The following BEND7 variants were observed in gnomAD, a reference collection of about 807,000 sequenced individuals.
BEND7 encodes the protein BEN domain containing 7, also known as BEN domain-containing protein 7.
In BEND7, 28 loss-of-function variants were observed where a neutral mutation model predicts 50.9. The observed-to-expected ratio is 0.55, with a 90% CI of 0.41 to 0.75. BEND7 has a LOEUF of 0.75. Ranked by LOEUF, BEND7 falls within the 30% of genes least tolerant of loss-of-function variation. The pLI, the probability that BEND7 is intolerant of heterozygous loss-of-function variation, is 0.00. For synonymous variants in BEND7, 170 were observed against 183.9 expected, an observed-to-expected ratio of 0.92 and a Z score of 0.61; for missense variants, 477 against 491.3, an observed-to-expected ratio of 0.97 and a Z score of 0.28.
chr10:13,489,110 C>CA (rs1449315645), intron 5 of BEND7, among the ~76,000 whole-genome samples: 1 of 152,166 alleles, frequency 6.6e-6, no homozygotes, highest in Non-Finnish European at 1.5e-5. Context: ...GGGATGACTT[C>CA]ATCTAATTCC....
intron 5 of BEND7, among the ~76,000 whole-genome samples, chr10:13,481,517 G>A (rs1182902171): frequency 1.3e-5 from 2 of 152,178 alleles, no homozygotes; most frequent in Admixed American, 6.5e-5. Context: ...ATTCAAATGT[G>A]CTCAGTGCAG....
intron 6 of BEND7, among the ~76,000 whole-genome samples, chr10:13,456,734 A>C (rs1217124561): frequency 6.6e-6 from 1 of 152,190 alleles, no homozygotes; most frequent in Admixed American, 6.5e-5. Context: ...CACCTACTAT[A>C]GTGCATTTTT....
At chr10:13,515,244 CT>C (rs2078581714) in intron 2 of BEND7, among the ~76,000 whole-genome samples, 2 of 152,294 alleles carry the variant, frequency 1.3e-5, no homozygotes, top group South Asian at 4.1e-4. Flanking sequence ...CAAACAAATG[CT>C]CGCAGAATAC....
intron 5 of BEND7, among the ~76,000 whole-genome samples, chr10:13,481,629 A>G (rs1588865694): frequency 1.3e-5 from 2 of 152,236 alleles, no homozygotes; most frequent in East Asian, 3.8e-4. Context: ...TCCTTCTACT[A>G]TGCCAGTGGC....
rs576097586 is a variant in BEND7, at chr10:13,520,474, C to T, written c.145+5664G>A. On this transcript the variant is annotated intron_variant, in intron 2 of 8. Coordinates refer to ENST00000466271, the MANE Select transcript of BEND7 (RefSeq NM_001369863.1). ...GGTCAGACCGTGCATACTAGACACT[C>T]AGTGAAGGGCTTTGCCTTGATTCTA... 7.2e-5 allele frequency among the ~76,000 whole-genome samples: 11 copies of T among 152,192 alleles called. No individual in the cohort carries two copies. The South Asian group carries it at 2.3e-3, about 32-fold the overall frequency.
Position 13,528,462 on chromosome 10 carries a change from C to G in BEND7, c.61+11G>C. The G allele has an allele frequency of 9.8e-7, 1 of 1,016,352 alleles. No homozygotes were observed. The highest frequency in any genetic ancestry group is 1.2e-6 in the Non-Finnish European group (1 of 852,160). The allele number at this position is 1,016,352 out of a possible 1,614,324, so 63.0% of individuals were successfully genotyped here. ...CCGCTGCCTGCCCCCGCCGCCCCGG[C>G]GGCCGCTTACCTCGGCTCACCAGTT... On this transcript the variant is annotated intron_variant, in intron 1 of 8. Transcript: ENST00000466271.
chr10:13,500,920 G>A (rs566882139), intron 2 of BEND7: 64 of 819,362 alleles, frequency 7.8e-5, no homozygotes, highest in Non-Finnish European at 9.0e-5. Context: ...AACTGTGTGC[G>A]AAAGGTCACA....
chr10:13,508,722 T>C lies in BEND7; in HGVS notation c.146-8642A>G, dbSNP rs142117061. Among the ~76,000 whole-genome samples, 8 of 152,310 alleles carry C rather than the reference T, an allele frequency of 5.3e-5. No homozygotes were observed. In the East Asian group the frequency reaches 1.5e-3, roughly 29 times the overall value. On this transcript the variant is annotated intron_variant, in intron 2 of 8. Transcript: ENST00000466271. ...CAGGTTCACTTATCCACTTAATAAA[T>C]ATTTACTGTACTACTACTAAATTAT...
chr10:13,520,773 T>C (rs895010525), intron 2 of BEND7, among the ~76,000 whole-genome samples: 4 of 152,114 alleles, frequency 2.6e-5, no homozygotes, highest in East Asian at 1.9e-4. Flanking sequence ...GTAGCTGCAA[T>C]AGAAACTAAA....
chr10:13,470,483 G>T (rs898508673), intron 6 of BEND7, among the ~76,000 whole-genome samples: 1 of 152,182 alleles, frequency 6.6e-6, no homozygotes, highest in Non-Finnish European at 1.5e-5. Context: ...CGGGGAGTTG[G>T]AGTGGAATCC....
intron 5 of BEND7, among the ~76,000 whole-genome samples, chr10:13,487,644 C>T (rs981677659): frequency 5.9e-5 from 9 of 151,992 alleles, no homozygotes; most frequent in Admixed American, 5.2e-4. Flanking sequence ...CCTCAGCCTC[C>T]CAAAGTGCTA....
Position 13,500,012 on chromosome 10 carries a change from G to A in BEND7, c.214C>T (p.Arg72Trp), listed in dbSNP as rs534620750. Reference protein sequence around the residue: ...MRRLLNDSTGRIYQRVGKEGE... With the variant: ...MRRLLNDSTGWIYQRVGKEGE... ...TCTTTGCCAACTCGCTGATAGATCC[G>A]CCCAGTGCTGTCGTTCAGCAATCTT... is the stretch of plus-strand genomic sequence containing the variant. Residue 72 changes from arginine to tryptophan, a missense_variant, in exon 3 of 9, where the codon CGG (arginine) becomes TGG (tryptophan). Transcript: ENST00000466271. 2.9e-5 allele frequency: 47 copies of A among 1,613,912 alleles called. No individual in the cohort carries two copies. Among genetic ancestry groups the A allele is most frequent in the Admixed American group, 1.5e-4 (9 of 60,012 alleles).
At chr10:13,493,760 G>A (rs1013874065) in intron 4 of BEND7, among the ~76,000 whole-genome samples, 1 of 152,162 alleles carries the variant, frequency 6.6e-6, no homozygotes, top group African/African-American at 2.4e-5. Flanking sequence ...TACTCTCTTG[G>A]AAAGTGTAAT....
intron 6 of BEND7, among the ~76,000 whole-genome samples, chr10:13,470,078 G>C (rs921423598): frequency 4.6e-5 from 7 of 152,328 alleles, no homozygotes; most frequent in African/African-American, 1.7e-4. Context: ...CCCCACAAAA[G>C]GAGAGAAAAT....
intron 8 of BEND7, chr10:13,442,978 A>T (rs1316852898): frequency 6.6e-6 from 1 of 152,194 alleles, no homozygotes; most frequent in African/African-American, 2.4e-5. Flanking sequence ...TCTCCTTTAT[A>T]CTGCATCTAA....
chr10:13,480,381 G>A (rs558523532), intron 6 of BEND7, among the ~76,000 whole-genome samples: 3 of 152,304 alleles, frequency 2.0e-5, no homozygotes, highest in African/African-American at 7.2e-5. Context: ...ACAAGAGGGA[G>A]AAGAGCGGGC....
intron 3 of BEND7, among the ~76,000 whole-genome samples, chr10:13,498,302 C>G (rs1413267556): frequency 6.6e-6 from 1 of 152,122 alleles, no homozygotes; most frequent in African/African-American, 2.4e-5. Flanking sequence ...GTCTCGAACT[C>G]CTGGCCTCAA....
At chr10:13,480,864 C>G in intron 6 of BEND7, 35 bp downstream of exon 6, 1 of 1,611,462 alleles carries the variant, frequency 6.2e-7, no homozygotes, top group Non-Finnish European at 8.5e-7. Context: ...GAAAGCTCAA[C>G]GAAGAACCCA....
intron 5 of BEND7, among the ~76,000 whole-genome samples, chr10:13,492,010 T>C (rs1167601789): frequency 1.3e-5 from 2 of 151,746 alleles, no homozygotes; most frequent in African/African-American, 4.8e-5. Flanking sequence ...GAATGTAAAA[T>C]AGCAAGTCAG....
Sources: gnomAD v4.1 joint callset for allele counts (sites outside exome capture counted in the v4.1 genomes callset) on GRCh38, gnomAD v4.1.1 for gene constraint, MANE v1.5 for transcripts, NCBI Gene and HGNC (gene_info 2026-07-23, HGNC 2026-07-21) for gene names.